Variants in INPP5A observed in about 807,000 individuals in gnomAD.
INPP5A encodes the protein 43 kDa inositol polyphosphate 5-phophatase.
INPP5A carries 14 observed loss-of-function variants against 65.2 expected under a neutral mutation model. The observed-to-expected ratio is 0.21, with a 90% confidence interval of 0.14 to 0.34. INPP5A has a LOEUF of 0.34. Ranked by LOEUF, INPP5A falls within the 10% of genes least tolerant of loss-of-function variation. The probability of loss-of-function intolerance (pLI) is 1.00; values close to 1 mark genes in which losing one functional copy is unlikely to be tolerated. For synonymous variants in INPP5A, 207 were observed against 208.3 expected, an observed-to-expected ratio of 0.99 and a Z score of 0.05; for missense variants, 431 against 545.6, an observed-to-expected ratio of 0.79 and a Z score of 2.09.
chr10:132,779,164 G>T (rs1403851565), intron 13 of INPP5A, among the ~76,000 whole-genome samples: 1 of 152,254 alleles, frequency 6.6e-6, no homozygotes, highest in East Asian at 1.9e-4. Flanking sequence ...GCCCATCATT[G>T]AGGAAAGTGT....
At chr10:132,775,295 C>T (rs977909077) in intron 12 of INPP5A, among the ~76,000 whole-genome samples, 11 of 151,910 alleles carry the variant, frequency 7.2e-5, no homozygotes, top group South Asian at 2.1e-4. Flanking sequence ...GCCGCTCCCA[C>T]GCTGTAGGCG....
chr10:132,691,139 C>T (rs1181542241), intron 5 of INPP5A, among the ~76,000 whole-genome samples: 2 of 152,204 alleles, frequency 1.3e-5, no homozygotes, highest in African/African-American at 2.4e-5. Context: ...GTTCGGATTC[C>T]GTGTTTGTGC....
chr10:132,587,132 A>G lies in INPP5A; in HGVS notation c.76-20783A>G, dbSNP rs1039296026. Among the ~76,000 whole-genome samples the G allele has an allele frequency of 6.6e-6, 1 of 152,240 alleles. No individual in the cohort carries two copies. Among genetic ancestry groups the G allele is most frequent in the African/African-American group, 2.4e-5 (1 of 41,456 alleles). Reference sequence around the variant, plus strand: ...TATGACTTGATTTTTTCAGTTTTAAAAAATAATACAAACACATTTAAAAAA... The same window carrying G: ...TATGACTTGATTTTTTCAGTTTTAAGAAATAATACAAACACATTTAAAAAA... On this transcript the variant is annotated intron_variant, in intron 1 of 15. Coordinates refer to ENST00000368594, the MANE Select transcript of INPP5A (RefSeq NM_005539.5). This position sits in a 1 kb window ranked among gnomAD's most constrained non-coding sequence, Gnocchi z 4.3.
chr10:132,551,921 C>G lies in INPP5A; in HGVS notation c.75+13750C>G, dbSNP rs1462665540. ...CTGCCTGCCTTGCGGCCCAACCTGG[C>G]AGTACCCCCCACACAGGGGTCCAGG... On this transcript the variant is annotated intron_variant, in intron 1 of 15. Coordinates refer to ENST00000368594, the MANE Select transcript of INPP5A (RefSeq NM_005539.5). This position sits in a 1 kb window ranked among gnomAD's most constrained non-coding sequence, Gnocchi z 5.3. Among the ~76,000 whole-genome samples the G allele has an allele frequency of 2.0e-5, 3 of 152,264 alleles. No homozygotes were observed. Among genetic ancestry groups the G allele is most frequent in the Non-Finnish European group, 4.4e-5 (3 of 68,046 alleles).
At chr10:132,665,090 G>A (rs2072785134) in intron 4 of INPP5A, among the ~76,000 whole-genome samples, 1 of 152,216 alleles carries the variant, frequency 6.6e-6, no homozygotes, top group Non-Finnish European at 1.5e-5. Context: ...TTGTGCATGA[G>A]GGCACCCCCA....
At chr10:132,725,458 A>G (rs536912734) in intron 8 of INPP5A, among the ~76,000 whole-genome samples, 1 of 152,330 alleles carries the variant, frequency 6.6e-6, no homozygotes, top group Non-Finnish European at 1.5e-5. Context: ...AACGCAGAAC[A>G]AGACCACATA....
intron 9 of INPP5A, among the ~76,000 whole-genome samples, chr10:132,736,440 C>A (rs1846177619): frequency 6.6e-6 from 1 of 152,256 alleles, no homozygotes; most frequent in Non-Finnish European, 1.5e-5. Context: ...GCTCAGGTGC[C>A]AGCTGGGCCT....
chr10:132,578,941 G>A (rs919128252), intron 1 of INPP5A, among the ~76,000 whole-genome samples: 1 of 152,164 alleles, frequency 6.6e-6, no homozygotes, highest in Non-Finnish European at 1.5e-5. Context: ...GGTAGAGGTC[G>A]GGCCTCACAG....
intron 4 of INPP5A, among the ~76,000 whole-genome samples, chr10:132,686,270 C>T (rs1048258198): frequency 2.6e-5 from 4 of 152,246 alleles, no homozygotes; most frequent in South Asian, 2.1e-4. Flanking sequence ...GACTCCTGCC[C>T]GTGTCTGCAG....
intron 11 of INPP5A, among the ~76,000 whole-genome samples, chr10:132,752,990 G>A (rs530532322): frequency 3.3e-5 from 5 of 152,206 alleles, no homozygotes; most frequent in South Asian, 2.1e-4. Flanking sequence ...TCGATACGTC[G>A]GGAGTCCCAT....
At chr10:132,719,801 T>C (rs1443433432) in intron 8 of INPP5A, among the ~76,000 whole-genome samples, 58 of 150,036 alleles carry the variant, frequency 3.9e-4, no homozygotes, top group African/African-American at 1.4e-3. Context: ...GGTTCTGTGG[T>C]GCCTGGGTTC....
chr10:132,764,009 C>T (rs186568422), intron 11 of INPP5A, among the ~76,000 whole-genome samples: 1 of 152,270 alleles, frequency 6.6e-6, no homozygotes, highest in Admixed American at 6.5e-5. Flanking sequence ...TAGGAGCTGA[C>T]TTGGGGCCCT....
At position 132,708,298 on chromosome 10, in the gene INPP5A, G is replaced by A. The variant is rs41301113; in HGVS notation, c.475-15G>A. 7.4e-6 allele frequency: 12 copies of A among 1,613,472 alleles called. No homozygotes were observed. In the East Asian group the frequency reaches 1.8e-4, roughly 24 times the overall value. On this transcript the variant is annotated splice_polypyrimidine_tract_variant and intron_variant, in intron 6 of 15. Transcript: ENST00000368594. ...ACTTACTCTGGCTCATTTGTGTGAC[G>A]TGTTTATTTTTCAGTGCAAATGGTC...
chr10:132,775,910 G>A (rs778959546), intron 12 of INPP5A, among the ~76,000 whole-genome samples: 1 of 152,178 alleles, frequency 6.6e-6, no homozygotes, highest in East Asian at 1.9e-4. Context: ...GAACTGGTTC[G>A]GTTCCAGCTT....
intron 4 of INPP5A, among the ~76,000 whole-genome samples, chr10:132,688,433 T>C (rs1170884222): frequency 6.6e-6 from 1 of 152,156 alleles, no homozygotes; most frequent in Non-Finnish European, 1.5e-5. Context: ...GCTTGGGCCA[T>C]GGAATTAGGT....
intron 9 of INPP5A, among the ~76,000 whole-genome samples, chr10:132,733,343 G>A (rs1185162838): frequency 6.6e-6 from 1 of 152,194 alleles, no homozygotes; most frequent in African/African-American, 2.4e-5. Context: ...CCTGCCACGT[G>A]GTCCACTGAA....
In INPP5A at chr10:132,616,360, G is replaced by A. The variant is rs544783489; in HGVS notation, c.117+8404G>A. ...CCGTGGGCGTGGTGTGGGGCACGTGGCGTGCGGGGACGCCGTGGGCGTGGT... is the reference window on the plus strand; with the variant it reads ...CCGTGGGCGTGGTGTGGGGCACGTGACGTGCGGGGACGCCGTGGGCGTGGT... On this transcript the variant is annotated intron_variant, in intron 2 of 15. Coordinates refer to ENST00000368594, the MANE Select transcript of INPP5A (RefSeq NM_005539.5). The surrounding 1 kb of genome is among the most constrained non-coding windows in gnomAD (Gnocchi z 4.9). 5.9e-5 allele frequency among the ~76,000 whole-genome samples: 9 copies of A among 152,324 alleles called. No individual in the cohort carries two copies. Among genetic ancestry groups the A allele is most frequent in the Non-Finnish European group, 1.2e-4 (8 of 68,028 alleles).
chr10:132,620,047 G>A (rs2133359328), intron 2 of INPP5A, among the ~76,000 whole-genome samples: 1 of 152,278 alleles, frequency 6.6e-6, no homozygotes. Flanking sequence ...TTGAGCTGAG[G>A]CTGGAGCTGG....
rs2071630266 is a variant in INPP5A at position 132,592,412 on chromosome 10, T to A, written c.76-15503T>A. Reference sequence around the variant, plus strand: ...ATCTAAGTGGGGCAAAAATGTTTGTTTGTTTGTTTGTTTGTTTGTTTGAAA... The same window carrying A: ...ATCTAAGTGGGGCAAAAATGTTTGTATGTTTGTTTGTTTGTTTGTTTGAAA... On this transcript the variant is annotated intron_variant, in intron 1 of 15. Transcript: ENST00000368594. 2.6e-5 allele frequency among the ~76,000 whole-genome samples: 4 copies of A among 151,902 alleles called. No homozygotes were observed. The South Asian group carries it at 8.3e-4, about 32-fold the overall frequency.
Sources: allele counts gnomAD v4.1 joint callset (sites outside exome capture counted in the v4.1 genomes callset), GRCh38; gene constraint gnomAD v4.1.1; non-coding constraint Gnocchi (gnomAD v3.1); transcripts MANE v1.5; gene names NCBI Gene and HGNC (gene_info 2026-07-23, HGNC 2026-07-21).